The following MERTK variants were observed in gnomAD, a reference collection of about 807,000 sequenced individuals.
The protein encoded by MERTK is tyrosine-protein kinase Mer.
A neutral mutation model predicts 99.3 loss-of-function variants in MERTK; 69 were observed. The ratio of observed to expected loss-of-function variants is 0.70; its 90% CI spans 0.57 to 0.85. The LOEUF (loss-of-function observed/expected upper bound fraction) is 0.85. Ranked by LOEUF, MERTK falls within the 40% of genes least tolerant of loss-of-function variation. The pLI is 0.00. For missense variants in MERTK, 1,125 were observed against 1,249.4 expected (o/e 0.90, Z 1.50); for synonymous variants, 426 against 467.6 (o/e 0.91, Z 1.15).
At chr2:111,967,453 A>G (rs964982694) in intron 5 of MERTK, among the ~76,000 whole-genome samples, 30 of 152,108 alleles carry the variant, frequency 2.0e-4, no homozygotes, top group Non-Finnish European at 4.4e-4. Context: ...GATTCCCCAA[A>G]TTTAAGATCC....
intron 4 of MERTK, among the ~76,000 whole-genome samples, chr2:111,949,401 A>G (rs1685016133): frequency 1.3e-5 from 2 of 152,080 alleles, no homozygotes; most frequent in African/African-American, 2.4e-5. Context: ...GCCAGCCCCT[A>G]CCTATTAACT....
chr2:111,910,136 A>G (rs1224716944), intron 1 of MERTK, among the ~76,000 whole-genome samples: 1 of 152,200 alleles, frequency 6.6e-6, no homozygotes, highest in Non-Finnish European at 1.5e-5. Context: ...ATTGTGGTGC[A>G]TGCCTATGGT....
chr2:111,930,624 G>A (rs1684654170), intron 2 of MERTK, among the ~76,000 whole-genome samples: 1 of 152,130 alleles, frequency 6.6e-6, no homozygotes, highest in Non-Finnish European at 1.5e-5. Context: ...CTCTGGAAAT[G>A]AGACAGGCCC....
At chr2:111,993,281 T>C (rs1676668885) in intron 8 of MERTK, among the ~76,000 whole-genome samples, 1 of 152,126 alleles carries the variant, frequency 6.6e-6, no homozygotes, top group South Asian at 2.1e-4. Context: ...TGGACTGCTC[T>C]CTCCTTAAGG....
intron 4 of MERTK, chr2:111,952,261 AG>A (rs1337985185): frequency 2.5e-5 from 4 of 161,502 alleles, no homozygotes. Context: ...TCAATCTGAC[AG>A]TGTTCATATC....
chr2:111,945,160 T>G, intron 3 of MERTK, 100 bp downstream of exon 3: 1 of 923,408 alleles, frequency 1.1e-6, no homozygotes. Context: ...GCCTGCCTAT[T>G]TATAACTCTG....
At chr2:112,001,174 G>A (rs371993494) in intron 10 of MERTK, 27 bp from the exon 11 acceptor site, 2 of 1,567,638 alleles carry the variant, frequency 1.3e-6, no homozygotes, top group Non-Finnish European at 1.8e-6. Flanking sequence ...TTTTTATAGT[G>A]AAGTATCTTT....
intron 4 of MERTK, among the ~76,000 whole-genome samples, chr2:111,963,277 T>C (rs192622817): frequency 8.7e-4 from 132 of 152,362 alleles, no homozygotes; most frequent in African/African-American, 3.0e-3. Flanking sequence ...TGGGGTTTTA[T>C]ACGGAGACAT....
chr2:111,945,942 T>A (rs779465744), intron 3 of MERTK, among the ~76,000 whole-genome samples: 1 of 152,218 alleles, frequency 6.6e-6, no homozygotes, highest in African/African-American at 2.4e-5. Context: ...TGACCTTCCT[T>A]GTCACAGGCT....
At chr2:112,012,548 G>T (rs1182803738) in intron 15 of MERTK, among the ~76,000 whole-genome samples, 2 of 152,042 alleles carry the variant, frequency 1.3e-5, no homozygotes, top group Non-Finnish European at 2.9e-5. Context: ...TCTTCTCTTT[G>T]TCATGAGCGT....
At chr2:111,920,826 T>A (rs1041220919) in intron 1 of MERTK, among the ~76,000 whole-genome samples, 1 of 151,994 alleles carries the variant, frequency 6.6e-6, no homozygotes, top group Non-Finnish European at 1.5e-5. Context: ...GGCTACTTTT[T>A]GTATTTTTTA....
At chr2:111,909,899 A>G (rs1684210044) in intron 1 of MERTK, among the ~76,000 whole-genome samples, 1 of 152,222 alleles carries the variant, frequency 6.6e-6, no homozygotes, top group Admixed American at 6.5e-5. Flanking sequence ...TGGAACTACC[A>G]TATGATCCTG....
intron 7 of MERTK, among the ~76,000 whole-genome samples, chr2:111,979,787 A>G (rs1432077005): frequency 6.6e-6 from 1 of 152,098 alleles, no homozygotes. Flanking sequence ...TCTCAATCAT[A>G]AGAGTCTTTT....
intron 2 of MERTK, among the ~76,000 whole-genome samples, chr2:111,938,257 GTTGT>G (rs1180135968): frequency 6.6e-5 from 7 of 106,606 alleles, no homozygotes; most frequent in Non-Finnish European, 2.1e-5. Flanking sequence ...TTGTTTGTTT[GTTGT>G]TTGTTTTTTT....
At chr2:111,932,179 A>G (rs1420586492) in intron 2 of MERTK, among the ~76,000 whole-genome samples, 2 of 152,062 alleles carry the variant, frequency 1.3e-5, no homozygotes, top group Non-Finnish European at 2.9e-5. Flanking sequence ...AATTTTTGCA[A>G]ATGATGAGCA....
chr2:111,969,884 G>T (rs979555302), intron 6 of MERTK, among the ~76,000 whole-genome samples: 1 of 151,810 alleles, frequency 6.6e-6, no homozygotes, highest in Non-Finnish European at 1.5e-5. Flanking sequence ...GTAGAGACGG[G>T]GTTTCACCGT....
chr2:112,026,204 T>C (rs535866383), intron 18 of MERTK: 1 of 154,428 alleles, frequency 6.5e-6, no homozygotes, highest in Non-Finnish European at 1.5e-5. Flanking sequence ...TTAGACAGTA[T>C]ACATGTTCAC....
intron 1 of MERTK, among the ~76,000 whole-genome samples, chr2:111,914,280 TTTTG>T (rs1326591714): frequency 2.0e-5 from 3 of 151,806 alleles, no homozygotes; most frequent in Admixed American, 6.6e-5. Context: ...ATTTTTGTAT[TTTTG>T]TTTGTTTGTT....
In MERTK at chr2:111,968,242, G is replaced by A; in HGVS notation, c.950G>A (p.Cys317Tyr). ...GATGGATACTCCCCGTTCAGGAATT[G>A]CAGCATTCAGGTAAAGTTCCAGGGT... ...GFDGYSPFRN[C>Y]SIQVKEADPL... Residue 317 changes from cysteine (C) to tyrosine (Y), a missense_variant, in exon 6 of 19, where the codon TGC becomes TAC. Transcript: ENST00000295408. 1.2e-6 allele frequency: 2 copies of A among 1,612,726 alleles called. No homozygotes were observed. The highest frequency in any genetic ancestry group is 1.3e-5 in the African/African-American group (1 of 74,952).
Sources: allele counts gnomAD v4.1 joint callset (sites outside exome capture counted in the v4.1 genomes callset), GRCh38; gene constraint gnomAD v4.1.1; transcripts MANE v1.5; gene names NCBI Gene and HGNC (gene_info 2026-07-23, HGNC 2026-07-21).